Variants in PTHLH observed in about 807,000 individuals in gnomAD.
PTHLH encodes parathyroid hormone-related protein.
In PTHLH, 5 loss-of-function variants were observed where a neutral mutation model predicts 18.6. The ratio of observed to expected loss-of-function variants is 0.27; its 90% CI spans 0.14 to 0.56. PTHLH has a LOEUF of 0.56. PTHLH is among the 20% of genes least tolerant of loss of function. The probability of loss-of-function intolerance (pLI) is 0.92; values close to 1 mark genes in which losing one functional copy is unlikely to be tolerated. For synonymous variants in PTHLH, 90 were observed against 94.0 expected (o/e 0.96, Z 0.25); for missense variants, 207 against 223.9 (o/e 0.92, Z 0.48).
rs772943331 is a variant in PTHLH, at chr12:27,963,549, G to A, written c.323C>T (p.Thr108Ile). Residue 108 changes from threonine (T) to isoleucine (I), a missense_variant, in exon 5 of 6, where the codon ACT (threonine) becomes ATT (isoleucine). Physicochemically the swap from Thr to Ile is moderately conservative, Grantham distance 89. Transcript: ENST00000545234. ...CTCTTTGTACGTCTCCACCTTGTTAGTTTCCTGAGTTAGGTATCTGCCCTC... is the reference window on the plus strand; with the variant it reads ...CTCTTTGTACGTCTCCACCTTGTTAATTTCCTGAGTTAGGTATCTGCCCTC... ...DDEGRYLTQE[T>I]NKVETYKEQP... 3 of 1,614,038 alleles carry A rather than the reference G, an allele frequency of 1.9e-6. No homozygotes were observed.
At chr12:27,964,595 G>A (rs889714462) in intron 4 of PTHLH, among the ~76,000 whole-genome samples, 4 of 151,868 alleles carry the variant, frequency 2.6e-5, no homozygotes, top group African/African-American at 9.7e-5. Context: ...TATTTCTTCT[G>A]TGCTTCATGT....
chr12:27,958,735 C>A, intron 5 of PTHLH, 167 bp from the exon 6 acceptor site: 1 of 597,382 alleles, frequency 1.7e-6, no homozygotes, highest in Non-Finnish European at 2.8e-6. Flanking sequence ...GTGGGATCCA[C>A]CCAGATCTCC....
chr12:27,959,268 C>G (rs73261978), intron 5 of PTHLH, among the ~76,000 whole-genome samples: 2,520 of 152,264 alleles, frequency 0.017, 72 homozygotes, highest in African/African-American at 0.056. Flanking sequence ...GTCTCTCACT[C>G]TGTTGGTTTT....
rs756123333 is a variant in PTHLH at position 27,968,306 on chromosome 12, T to C, written c.101+1088A>G. Among the ~76,000 whole-genome samples the C allele has an allele frequency of 2.0e-5, 3 of 152,364 alleles. No homozygotes were observed. In the Middle Eastern group the frequency reaches 0.01, roughly 518 times the overall value. ...AATAATAATAGACCACAAGCACGTA[T>C]AAAACAGTTGCCTTTTTGTACACCC... On this transcript the variant is annotated intron_variant, in intron 4 of 5. Coordinates refer to ENST00000545234, the MANE Select transcript of PTHLH (RefSeq NM_198965.2).
chr12:27,961,207 C>T (rs996492410), intron 5 of PTHLH, among the ~76,000 whole-genome samples: 1 of 149,486 alleles, frequency 6.7e-6, no homozygotes, highest in East Asian at 2.0e-4. Context: ...TCTCCAGATA[C>T]TTAAAGAACA....
chr12:27,965,331 A>G (rs2062802913), intron 4 of PTHLH, among the ~76,000 whole-genome samples: 1 of 152,258 alleles, frequency 6.6e-6, no homozygotes, highest in Non-Finnish European at 1.5e-5. Flanking sequence ...CACGGTAAGG[A>G]GAGTACAGGG....
intron 4 of PTHLH, among the ~76,000 whole-genome samples, chr12:27,964,448 A>C (rs1203596651): frequency 6.6e-6 from 1 of 151,314 alleles, no homozygotes; most frequent in Non-Finnish European, 1.5e-5. Flanking sequence ...GCTACCAAGA[A>C]CATACATTTG....
intron 2 of PTHLH, 87 bp from the exon 3 acceptor site, chr12:27,970,354 G>C (rs984547282): frequency 1.3e-5 from 2 of 148,980 alleles, no homozygotes; most frequent in South Asian, 1.8e-4. Context: ...CTGGCGGGCG[G>C]GCGCGCGGGG....
chr12:27,963,171 G>C (rs1011171251), intron 5 of PTHLH, 177 bp downstream of exon 5: 12 of 1,493,612 alleles, frequency 8.0e-6, no homozygotes, highest in African/African-American at 1.4e-5. Context: ...TGTGTGGTAG[G>C]GGGGTACTGC....
At chr12:27,970,380 G>C (rs1167382400) in intron 2 of PTHLH, 113 bp from the exon 3 acceptor site, 4 of 148,152 alleles carry the variant, frequency 2.7e-5, no homozygotes, top group Admixed American at 2.0e-4. Context: ...GGGCGGCGAC[G>C]GGCGGCCCGA....
At chr12:27,965,812 T>A (rs781395605) in intron 4 of PTHLH, among the ~76,000 whole-genome samples, 5 of 152,226 alleles carry the variant, frequency 3.3e-5, no homozygotes, top group Non-Finnish European at 5.9e-5. Flanking sequence ...GGTATTTATA[T>A]CCTTTAATAA....
chr12:27,962,667 G>A, intron 5 of PTHLH: 1 of 984,958 alleles, frequency 1.0e-6, no homozygotes, highest in Non-Finnish European at 1.2e-6. Flanking sequence ...AGATACATGA[G>A]AAAAACCTAT....
Position 27,969,405 on chromosome 12 carries a change from G to A in PTHLH, c.90C>T (p.Leu30=). ...VPSCGRSVEG[L]SRRLKRAVSE... ...GATGGGGCACTTACAGGCGGCGGCTGAGACCCTCCACCGAGCGCCCGCAGG... is the reference window on the plus strand; with the variant it reads ...GATGGGGCACTTACAGGCGGCGGCTAAGACCCTCCACCGAGCGCCCGCAGG... The change falls in exon 4 of 6, where the codon CTC becomes CTT. Residue 30 remains leucine, a synonymous_variant. Transcript: ENST00000545234. 6.3e-7 allele frequency: 1 copy of A among 1,582,412 alleles called. No individual in the cohort carries two copies. The highest frequency in any genetic ancestry group is 8.6e-7 in the Non-Finnish European group (1 of 1,167,422).
intron 4 of PTHLH, 109 bp downstream of exon 4, chr12:27,969,285 C>T (rs903812368): frequency 1.8e-6 from 2 of 1,127,224 alleles, no homozygotes; most frequent in Non-Finnish European, 2.5e-6. Flanking sequence ...CTCCCTAACC[C>T]GGGCAAGGAG....
intron 5 of PTHLH, among the ~76,000 whole-genome samples, chr12:27,961,091 C>A (rs531555945): frequency 1.6e-4 from 24 of 151,758 alleles, no homozygotes; most frequent in African/African-American, 5.3e-4. Context: ...TTTCTTTCAG[C>A]CCTAGGTCTG....
intron 4 of PTHLH, among the ~76,000 whole-genome samples, chr12:27,968,912 A>C (rs559164833): frequency 6.6e-6 from 1 of 152,268 alleles, no homozygotes; most frequent in South Asian, 2.1e-4. Context: ...CCTATTTTAT[A>C]TGCTTAAAAT....
At chr12:27,967,273 C>A (rs1464419582) in intron 4 of PTHLH, among the ~76,000 whole-genome samples, 1 of 152,142 alleles carries the variant, frequency 6.6e-6, no homozygotes, top group East Asian at 1.9e-4. Flanking sequence ...TAATTAAAAT[C>A]TTTGGGATTA....
intron 4 of PTHLH, among the ~76,000 whole-genome samples, chr12:27,967,292 A>G (rs547409354): frequency 2.0e-5 from 3 of 152,332 alleles, no homozygotes; most frequent in Admixed American, 1.3e-4. Flanking sequence ...TAACAGGTCA[A>G]AAAGACTCAC....
In PTHLH at chr12:27,970,161, A is replaced by G. The variant is rs2120676411; in HGVS notation, c.-159T>C. 1.9e-6 allele frequency: 1 copy of G among 517,094 alleles called. No homozygotes were observed. Among genetic ancestry groups the G allele is most frequent in the Non-Finnish European group, 3.9e-6 (1 of 259,304 alleles). The allele number at this position is 517,094 out of a possible 1,614,324, so 32.0% of individuals were successfully genotyped here. On this transcript the variant is annotated 5_prime_UTR_variant, in exon 3 of 6. Transcript: ENST00000545234. The stretch of plus-strand genomic sequence containing the variant: ...GTTAGTGGCAGCCGGAGCGGCAGGG[A>G]GGCGGCAGCCCCGCTTCACGGGCGG...
Sources: gnomAD v4.1 joint callset for allele counts (sites outside exome capture counted in the v4.1 genomes callset) on GRCh38, gnomAD v4.1.1 for gene constraint, MANE v1.5 for transcripts, NCBI Gene and HGNC (gene_info 2026-07-23, HGNC 2026-07-21) for gene names.